SYNPO2: variants seen among roughly 807,000 people sequenced by gnomAD.
SYNPO2 encodes the protein synaptopodin 2, also known as synaptopodin-2.
In SYNPO2, 56 loss-of-function variants were observed where a neutral mutation model predicts 85.0. The ratio of observed to expected loss-of-function variants is 0.66; its 90% CI spans 0.53 to 0.82. SYNPO2 has a LOEUF of 0.82. Among genes scored for constraint, SYNPO2 ranks in the 40% least tolerant of loss-of-function variants. The pLI is 0.00. For synonymous variants in SYNPO2, 602 were observed against 591.1 expected, an observed-to-expected ratio of 1.02 and a Z score of -0.27; for missense variants, 1,575 against 1,534.2, an observed-to-expected ratio of 1.03 and a Z score of -0.44.
At chr4:119,050,862 G>T (rs1739016946) in intron 4 of SYNPO2, among the ~76,000 whole-genome samples, 1 of 152,184 alleles carries the variant, frequency 6.6e-6, no homozygotes, top group Non-Finnish European at 1.5e-5. Context: ...AGATGACATG[G>T]TCCCGCAGTC....
chr4:118,977,167 G>A (rs1248532018), intron 1 of SYNPO2, among the ~76,000 whole-genome samples: 1 of 152,252 alleles, frequency 6.6e-6, no homozygotes, highest in East Asian at 1.9e-4. Flanking sequence ...CTCAGGCATG[G>A]CGGGCTGCAG....
At chr4:118,873,282 C>T (rs1300310439) in intron 1 of SYNPO2, among the ~76,000 whole-genome samples, 2 of 152,186 alleles carry the variant, frequency 1.3e-5, no homozygotes, top group African/African-American at 4.8e-5. Flanking sequence ...TTGTTTTCCA[C>T]AGAGGTTGTA....
chr4:118,947,969 A>G (rs1734561588), intron 1 of SYNPO2, among the ~76,000 whole-genome samples: 1 of 152,186 alleles, frequency 6.6e-6, no homozygotes, highest in Admixed American at 6.5e-5. Flanking sequence ...AATGTTTGAT[A>G]TTTCCAGGAA....
chr4:118,950,857 C>T (rs895788407), intron 1 of SYNPO2, among the ~76,000 whole-genome samples: 3 of 152,050 alleles, frequency 2.0e-5, no homozygotes, highest in African/African-American at 4.8e-5. Context: ...TCCATAAACT[C>T]GATTGGTTGT....
At chr4:119,028,728 G>A (rs1738084646) in intron 3 of SYNPO2, among the ~76,000 whole-genome samples, 1 of 151,624 alleles carries the variant, frequency 6.6e-6, no homozygotes, top group Admixed American at 6.6e-5. Context: ...TAACCATTAA[G>A]TCTGTGACAA....
intron 1 of SYNPO2, among the ~76,000 whole-genome samples, chr4:118,948,061 G>A (rs574657300): frequency 6.6e-6 from 1 of 151,994 alleles, no homozygotes; most frequent in African/African-American, 2.4e-5. Context: ...GTAAGTAAAA[G>A]AATAAAAAAA....
chr4:119,001,836 T>C (rs1489500477), intron 1 of SYNPO2, among the ~76,000 whole-genome samples: 1 of 151,910 alleles, frequency 6.6e-6, no homozygotes, highest in Non-Finnish European at 1.5e-5. Flanking sequence ...TTCTAAAATA[T>C]ACATCTGTGT....
intron 4 of SYNPO2, among the ~76,000 whole-genome samples, chr4:119,048,674 T>G (rs935492526): frequency 8.6e-5 from 13 of 151,994 alleles, no homozygotes; most frequent in Admixed American, 4.6e-4. Flanking sequence ...GGTGAGCAAG[T>G]ACAAAAATCC....
intron 4 of SYNPO2, chr4:119,035,916 T>C: frequency 1.0e-6 from 1 of 985,382 alleles, no homozygotes; most frequent in Non-Finnish European, 1.2e-6. Context: ...TAAAGAACTT[T>C]GAAGGTCATT....
At chr4:119,016,637 A>G (rs956057945) in intron 1 of SYNPO2, among the ~76,000 whole-genome samples, 21 of 152,208 alleles carry the variant, frequency 1.4e-4, no homozygotes, top group African/African-American at 4.8e-4. Flanking sequence ...GCAATCTTTC[A>G]TGATTTATCC....
intron 1 of SYNPO2, among the ~76,000 whole-genome samples, chr4:118,873,747 T>A (rs1281632577): frequency 6.6e-6 from 1 of 152,212 alleles, no homozygotes; most frequent in Non-Finnish European, 1.5e-5. Context: ...GCTTTTGAGG[T>A]CTCAGTCATG....
intron 1 of SYNPO2, among the ~76,000 whole-genome samples, chr4:118,956,127 G>A (rs1166096999): frequency 6.6e-6 from 1 of 152,102 alleles, no homozygotes; most frequent in Non-Finnish European, 1.5e-5. Flanking sequence ...GATACAAACT[G>A]GAAATGAGAG....
At chr4:118,908,173 G>A (rs1732999623) in intron 1 of SYNPO2, among the ~76,000 whole-genome samples, 1 of 152,054 alleles carries the variant, frequency 6.6e-6, no homozygotes, top group South Asian at 2.1e-4. Flanking sequence ...TGCTTAGTAT[G>A]AGAATATGAT....
intron 1 of SYNPO2, among the ~76,000 whole-genome samples, chr4:118,882,078 G>A (rs7684485): frequency 0.025 from 3,844 of 152,248 alleles, 69 homozygotes; most frequent in African/African-American, 0.04. Flanking sequence ...TTAACAATAA[G>A]CATTTTAAAG....
intron 3 of SYNPO2, 115 bp from the exon 4 acceptor site, chr4:119,029,729 CA>C (rs34094657): frequency 8.5e-7 from 1 of 1,177,698 alleles, no homozygotes; most frequent in Non-Finnish European, 1.1e-6. Context: ...ATTCTGTACT[CA>C]ATGGCAATTT....
At chr4:118,925,923 A>G (rs1022204313) in intron 1 of SYNPO2, among the ~76,000 whole-genome samples, 1 of 152,166 alleles carries the variant, frequency 6.6e-6, no homozygotes, top group Non-Finnish European at 1.5e-5. Context: ...ATTTAAAATA[A>G]ACGTCTAAGA....
chr4:118,888,616 T>C (rs755992633), upstream of SYNPO2, among the ~76,000 whole-genome samples: 19 of 152,270 alleles, frequency 1.2e-4, no homozygotes, highest in Non-Finnish European at 2.5e-4. Context: ...TAAATGTAAG[T>C]TTTTCAATCA....
At chr4:118,898,573 A>G (rs1398195485) in intron 1 of SYNPO2, among the ~76,000 whole-genome samples, 1 of 152,224 alleles carries the variant, frequency 6.6e-6, no homozygotes, top group Non-Finnish European at 1.5e-5. Context: ...ATATTCCTAC[A>G]ATCATTTTTT....
At chr4:118,976,705 G>C (rs533309126) in intron 1 of SYNPO2, among the ~76,000 whole-genome samples, 1 of 152,212 alleles carries the variant, frequency 6.6e-6, no homozygotes, top group South Asian at 2.1e-4. Context: ...ACAGAGTGTC[G>C]ATTGGTGCAT....
Sources: allele counts gnomAD v4.1 joint callset (sites outside exome capture counted in the v4.1 genomes callset), GRCh38; gene constraint gnomAD v4.1.1; transcripts MANE v1.5; gene names NCBI Gene and HGNC (gene_info 2026-07-23, HGNC 2026-07-21).